NAB1: variants seen among roughly 807,000 people sequenced by gnomAD.
The protein encoded by NAB1 is NGFI-A binding protein 1.
NAB1 carries 25 observed loss-of-function variants against 49.9 expected under a neutral mutation model. The ratio of observed to expected loss-of-function variants is 0.50; its 90% confidence interval spans 0.37 to 0.70. The LOEUF is 0.70. Ranked by LOEUF, NAB1 falls within the 30% of genes least tolerant of loss-of-function variation. The pLI is 0.00. For missense variants in NAB1, 489 were observed against 575.9 expected, an observed-to-expected ratio of 0.85 and a Z score of 1.54; for synonymous variants, 198 against 215.6, an observed-to-expected ratio of 0.92 and a Z score of 0.71.
At position 190,677,827 on chromosome 2, in the gene NAB1, C is replaced by T. The variant is rs755251656; in HGVS notation, c.1005+4675C>T. ...TATGTCTGATTCCTGAATGTCAAAG[C>T]AGTACCACCTTCCTAGGTGCTAATG... On this transcript the variant is annotated intron_variant, in intron 6 of 9. Coordinates refer to ENST00000337386, the MANE Select transcript of NAB1 (RefSeq NM_005966.4). The surrounding 1 kb of genome is among the most constrained non-coding windows in gnomAD (Gnocchi z 5.6). Among the ~76,000 whole-genome samples the T allele has an allele frequency of 3.9e-5, 6 of 152,028 alleles. No homozygotes were observed. The highest frequency in any genetic ancestry group is 7.4e-5 in the Non-Finnish European group (5 of 68,022).
intron 3 of NAB1, among the ~76,000 whole-genome samples, chr2:190,658,145 A>C (rs1473319741): frequency 6.6e-6 from 1 of 152,184 alleles, no homozygotes; most frequent in Non-Finnish European, 1.5e-5. Context: ...GCTTGGGCTC[A>C]AAAAGTATGT....
chr2:190,673,338 T>A, intron 6 of NAB1, 186 bp downstream of exon 6: 1 of 622,662 alleles, frequency 1.6e-6, no homozygotes, highest in Non-Finnish European at 2.8e-6. Context: ...TAATTTGAAT[T>A]AGCAGACCAA....
chr2:190,655,615 T>A (rs1334764352), intron 2 of NAB1, among the ~76,000 whole-genome samples: 1 of 152,208 alleles, frequency 6.6e-6, no homozygotes, highest in Non-Finnish European at 1.5e-5. Context: ...GAAAACAAGC[T>A]GGCCTGAGTC....
rs762989724 is a variant in NAB1 at position 190,675,617 on chromosome 2, C to T, written c.1005+2465C>T. 3.7e-4 allele frequency among the ~76,000 whole-genome samples: 57 copies of T among 152,272 alleles called. No individual in the cohort carries two copies. The Middle Eastern group carries it at 0.01, about 27-fold the overall frequency. On this transcript the variant is annotated intron_variant, in intron 6 of 9. Coordinates refer to ENST00000337386, the MANE Select transcript of NAB1 (RefSeq NM_005966.4). This position sits in a 1 kb window ranked among gnomAD's most constrained non-coding sequence, Gnocchi z 5.2. ...AATTAAGATAATCAGTGTTACTTTT[C>T]CCTGTGAATAACTCTTCTAACCCTT...
At position 190,670,496 on chromosome 2, in the gene NAB1, C is replaced by T. The variant is rs13414042; in HGVS notation, c.953+37C>T. On this transcript the variant is annotated intron_variant, in intron 5 of 9. Coordinates refer to ENST00000337386, the MANE Select transcript of NAB1 (RefSeq NM_005966.4). This position sits in a 1 kb window ranked among gnomAD's most constrained non-coding sequence, Gnocchi z 5.3. The stretch of plus-strand genomic sequence containing the variant: ...ACTAATCGTCATTATTTTTGCATTG[C>T]TTGAGAGAAGTAGAGTTCGAAACAT... 3.1e-3 allele frequency: 4,991 copies of T among 1,605,322 alleles called. 152 individuals are homozygous for T. The African/African-American group carries it at 0.059, about 19-fold the overall frequency.
chr2:190,656,859 A>G (rs1039616008), intron 3 of NAB1, among the ~76,000 whole-genome samples: 1 of 152,114 alleles, frequency 6.6e-6, no homozygotes, highest in Non-Finnish European at 1.5e-5. Context: ...TCTCTGCTCT[A>G]TTCCATAATG....
In NAB1 at chr2:190,680,539, G is replaced by A. The variant is rs1423065656; in HGVS notation, c.1006-3199G>A. On this transcript the variant is annotated intron_variant, in intron 6 of 9. Transcript: ENST00000337386. This position sits in a 1 kb window ranked among gnomAD's most constrained non-coding sequence, Gnocchi z 5.2. ...GGACTGTGTTGTCAGGAGCGCCTGA[G>A]GCATGGCCATCTTGTTTGACGTTGT... Among the ~76,000 whole-genome samples the A allele has an allele frequency of 6.6e-6, 1 of 152,196 alleles. No individual in the cohort carries two copies. Among genetic ancestry groups the A allele is most frequent in the Non-Finnish European group, 1.5e-5 (1 of 68,030 alleles).
At chr2:190,662,384 CCT>C (rs1192174532) in intron 4 of NAB1, among the ~76,000 whole-genome samples, 2 of 133,082 alleles carry the variant, frequency 1.5e-5, no homozygotes, top group African/African-American at 2.8e-5. Context: ...TTGTTAAGCC[CCT>C]CTTTTTTTTT....
intron 9 of NAB1, among the ~76,000 whole-genome samples, chr2:190,687,892 GTTTGC>G (rs1695698666): frequency 6.6e-6 from 1 of 152,198 alleles, no homozygotes; most frequent in Non-Finnish European, 1.5e-5. Flanking sequence ...TGGACTACAT[GTTTGC>G]TTTGACAGTG....
chr2:190,660,943 A>ATTTT (rs35775676), intron 4 of NAB1, among the ~76,000 whole-genome samples: 10 of 144,794 alleles, frequency 6.9e-5, no homozygotes, highest in Admixed American at 1.4e-4. Flanking sequence ...GTCATAGCTA[A>ATTTT]TTTTTTTTTT....
rs1455308796 is a variant in NAB1 at position 190,678,649 on chromosome 2, A to G, written c.1006-5089A>G. ...TGGGGCTTGAAGAAGAAAGACCTAAAGGAAACATCTGCTAGCAGTTCCAGC... is the reference window on the plus strand; with the variant it reads ...TGGGGCTTGAAGAAGAAAGACCTAAGGGAAACATCTGCTAGCAGTTCCAGC... On this transcript the variant is annotated intron_variant, in intron 6 of 9. Transcript: ENST00000337386. This position sits in a 1 kb window ranked among gnomAD's most constrained non-coding sequence, Gnocchi z 4.9. Among the ~76,000 whole-genome samples the G allele has an allele frequency of 6.7e-6, 1 of 150,330 alleles. No individual in the cohort carries two copies.
At chr2:190,671,838 C>T (rs548805817) in intron 5 of NAB1, among the ~76,000 whole-genome samples, 2 of 135,314 alleles carry the variant, frequency 1.5e-5, no homozygotes, top group East Asian at 2.3e-4. Flanking sequence ...TGCAATAGCT[C>T]GATCTTGGTT....
At chr2:190,683,682 T>C in intron 6 of NAB1, 56 bp from the exon 7 acceptor site, 1 of 1,269,418 alleles carries the variant, frequency 7.9e-7, no homozygotes, top group Non-Finnish European at 1.1e-6. Context: ...AAGTTTTTGA[T>C]AATATTTTAT....
chr2:190,653,071 A>T (rs1693747274), intron 2 of NAB1, among the ~76,000 whole-genome samples: 1 of 152,122 alleles, frequency 6.6e-6, no homozygotes, highest in South Asian at 2.1e-4. Context: ...AAGATTGGAC[A>T]CCCCTGACAC....
At position 190,678,365 on chromosome 2, in the gene NAB1, C is replaced by G. The variant is rs1266807008; in HGVS notation, c.1005+5213C>G. On this transcript the variant is annotated intron_variant, in intron 6 of 9. Transcript: ENST00000337386. This position sits in a 1 kb window ranked among gnomAD's most constrained non-coding sequence, Gnocchi z 4.9. ...TCCATGAACAAATTTGTTATTAACT[C>G]CAATGTTATAAGTAACATCTTAGAA... is the stretch of plus-strand genomic sequence containing the variant. 1.3e-5 allele frequency among the ~76,000 whole-genome samples: 2 copies of G among 152,140 alleles called. No homozygotes were observed. The highest frequency in any genetic ancestry group is 4.8e-5 in the African/African-American group (2 of 41,436).
Position 190,659,215 on chromosome 2 carries a change from G to C in NAB1, c.39G>C (p.Gln13His). ...AALPRTLGEL[Q>H]LYRILQKANL... ...TACCCAGGACCCTGGGGGAGTTGCAGCTGTATAGAATATTACAAAAAGCCA... is the reference window on the plus strand; with the variant it reads ...TACCCAGGACCCTGGGGGAGTTGCACCTGTATAGAATATTACAAAAAGCCA... Residue 13 changes from glutamine (Q) to histidine (H), a missense_variant, in exon 4 of 10, where the codon CAG (glutamine) becomes CAC (histidine). Around this residue, in one of 4 missense-constraint regions of NAB1, gnomAD observed 35 missense variants for 85.6 expected, o/e 0.41. Transcript: ENST00000337386. The surrounding 1 kb of genome is among the most constrained non-coding windows in gnomAD (Gnocchi z 6.2). 1.2e-6 allele frequency: 2 copies of C among 1,613,654 alleles called. No individual in the cohort carries two copies. Among genetic ancestry groups the C allele is most frequent in the Non-Finnish European group, 1.7e-6 (2 of 1,179,960 alleles).
In NAB1 at chr2:190,675,394, C is replaced by T. The variant is rs549862795; in HGVS notation, c.1005+2242C>T. Among the ~76,000 whole-genome samples, 10 of 152,262 alleles carry T rather than the reference C, an allele frequency of 6.6e-5. No individual in the cohort carries two copies. Among genetic ancestry groups the T allele is most frequent in the Non-Finnish European group, 1.5e-4 (10 of 68,012 alleles). ...GAGTTTTATTGGTAAGTCTTTCTGA[C>T]CCTCTCAGAGGCCTTGTATTTCATT... On this transcript the variant is annotated intron_variant, in intron 6 of 9. Coordinates refer to ENST00000337386, the MANE Select transcript of NAB1 (RefSeq NM_005966.4). This position sits in a 1 kb window ranked among gnomAD's most constrained non-coding sequence, Gnocchi z 5.2.
At position 190,677,737 on chromosome 2, in the gene NAB1, C is replaced by A. The variant is rs192884621; in HGVS notation, c.1005+4585C>A. ...TTTTACAGCCAAGGAGAGACCCAGA[C>A]AGGCTCAGTATCTTCACCTGTGTTG... is the stretch of plus-strand genomic sequence containing the variant. On this transcript the variant is annotated intron_variant, in intron 6 of 9. Coordinates refer to ENST00000337386, the MANE Select transcript of NAB1 (RefSeq NM_005966.4). The surrounding 1 kb of genome is among the most constrained non-coding windows in gnomAD (Gnocchi z 5.6). 5.3e-4 allele frequency among the ~76,000 whole-genome samples: 81 copies of A among 152,296 alleles called. No homozygotes were observed. Among genetic ancestry groups the A allele is most frequent in the Non-Finnish European group, 8.5e-4 (58 of 68,030 alleles).
In NAB1 at chr2:190,666,049, T is replaced by C. The variant is rs894948918; in HGVS notation, c.820-4277T>C. 2.0e-5 allele frequency among the ~76,000 whole-genome samples: 3 copies of C among 152,232 alleles called. No individual in the cohort carries two copies. The highest frequency in any genetic ancestry group is 4.4e-5 in the Non-Finnish European group (3 of 68,040). ...CCTAACTTAAACTTCTTTGAGGTAC[T>C]GTACTCATTAATTTTGGCCTCAATG... On this transcript the variant is annotated intron_variant, in intron 4 of 9. Coordinates refer to ENST00000337386, the MANE Select transcript of NAB1 (RefSeq NM_005966.4). This position sits in a 1 kb window ranked among gnomAD's most constrained non-coding sequence, Gnocchi z 5.6.
Sources: gnomAD v4.1 joint callset for allele counts (sites outside exome capture counted in the v4.1 genomes callset) on GRCh38, gnomAD v4.1.1 for gene constraint, gnomAD v4.1.1 regional missense constraint, Gnocchi (gnomAD v3.1) non-coding constraint, MANE v1.5 for transcripts, NCBI Gene and HGNC (gene_info 2026-07-23, HGNC 2026-07-21) for gene names.